STEAP1B: variants seen among roughly 807,000 people sequenced by gnomAD.
STEAP1B encodes STEAP family member 1B.
STEAP1B carries 13 observed loss-of-function variants against 27.9 expected under a neutral mutation model. The ratio of observed to expected loss-of-function variants is 0.47; its 90% CI spans 0.30 to 0.74. STEAP1B has a LOEUF of 0.74. Among genes scored for constraint, STEAP1B ranks in the 30% least tolerant of loss-of-function variants. STEAP1B has a pLI of 0.06. For synonymous variants in STEAP1B, 86 were observed against 107.1 expected (o/e 0.80, Z 1.22); for missense variants, 250 against 298.7 (o/e 0.84, Z 1.20).
At position 22,493,307 on chromosome 7, in the gene STEAP1B, C is replaced by G; in HGVS notation, c.597+17G>C. The G allele has an allele frequency of 6.3e-7, 1 of 1,596,374 alleles. No individual in the cohort carries two copies. Among genetic ancestry groups the G allele is most frequent in the Non-Finnish European group, 8.6e-7 (1 of 1,167,976 alleles). ...TTAGACTTTTTATTAGTAACAGTGA[C>G]ATCATTGTCATCTCACCTGTTGATA... On this transcript the variant is annotated intron_variant, in intron 3 of 4. Coordinates refer to ENST00000678116, the MANE Select transcript of STEAP1B (RefSeq NM_001382447.1).
chr7:22,487,843 C>T (rs114739331), intron 4 of STEAP1B, among the ~76,000 whole-genome samples: 2 of 149,350 alleles, frequency 1.3e-5, no homozygotes, highest in African/African-American at 2.5e-5. Context: ...AAAAAAAAAT[C>T]CACACATAGA....
intron 4 of STEAP1B, among the ~76,000 whole-genome samples, chr7:22,437,195 C>G (rs1297603933): frequency 6.6e-6 from 1 of 152,220 alleles, no homozygotes; most frequent in Non-Finnish European, 1.5e-5. Flanking sequence ...CTGTGCTGTA[C>G]AAATCCCTAG....
intron 4 of STEAP1B, among the ~76,000 whole-genome samples, chr7:22,461,689 CTCTTT>C (rs1486562869): frequency 1.3e-5 from 2 of 152,238 alleles, no homozygotes; most frequent in Non-Finnish European, 2.9e-5. Context: ...ACCATGTGCT[CTCTTT>C]TCCACTGTCT....
intron 4 of STEAP1B, among the ~76,000 whole-genome samples, chr7:22,485,821 T>C (rs1562583875): frequency 6.6e-6 from 1 of 152,198 alleles, no homozygotes; most frequent in Non-Finnish European, 1.5e-5. Flanking sequence ...CTTCCCCTTG[T>C]TAAAATAGAT....
At chr7:22,440,057 T>G (rs1254081578) in intron 4 of STEAP1B, among the ~76,000 whole-genome samples, 1 of 152,180 alleles carries the variant, frequency 6.6e-6, no homozygotes, top group Non-Finnish European at 1.5e-5. Flanking sequence ...TTGATGAAAA[T>G]TAATTGGAAT....
chr7:22,446,802 T>A lies in STEAP1B; in HGVS notation c.763-26966A>T, dbSNP rs577759302. 5.9e-5 allele frequency among the ~76,000 whole-genome samples: 9 copies of A among 152,322 alleles called. 1 individual carries two copies. In the South Asian group the frequency reaches 1.5e-3, roughly 25 times the overall value. On this transcript the variant is annotated intron_variant, in intron 4 of 4. Coordinates refer to ENST00000678116, the MANE Select transcript of STEAP1B (RefSeq NM_001382447.1). ...CCCTCCCTGAACCTCAGTATTTTCA[T>A]CTGTGAAATGGAAGGAATGCTGCCC...
intron 4 of STEAP1B, among the ~76,000 whole-genome samples, chr7:22,462,929 T>G (rs1562575884): frequency 1.3e-5 from 2 of 152,250 alleles, no homozygotes; most frequent in Non-Finnish European, 2.9e-5. Flanking sequence ...CCCTTCTAAC[T>G]GGTGTGAGAT....
At chr7:22,481,108 C>A (rs16873211) in intron 4 of STEAP1B, among the ~76,000 whole-genome samples, 71,531 of 152,028 alleles carry the variant, frequency 0.47, 17,231 homozygotes, top group African/African-American at 0.57. Context: ...TAATGTAAAC[C>A]ACTTAGGTGA....
intron 4 of STEAP1B, among the ~76,000 whole-genome samples, chr7:22,463,647 C>T (rs371203436): frequency 1.1e-3 from 166 of 152,236 alleles, no homozygotes; most frequent in South Asian, 6.4e-3. Context: ...TCAGAAATAA[C>T]GCCGCGTATC....
At chr7:22,443,624 T>C (rs1002272391) in intron 4 of STEAP1B, among the ~76,000 whole-genome samples, 13 of 152,326 alleles carry the variant, frequency 8.5e-5, no homozygotes, top group African/African-American at 3.1e-4. Context: ...CTTCCGCCAC[T>C]GCTATGCCCT....
At chr7:22,459,524 T>C (rs1423306309) in intron 4 of STEAP1B, among the ~76,000 whole-genome samples, 1 of 152,230 alleles carries the variant, frequency 6.6e-6, no homozygotes, top group Non-Finnish European at 1.5e-5. Flanking sequence ...TTCCACTTAT[T>C]ATGAAAATGT....
intron 4 of STEAP1B, among the ~76,000 whole-genome samples, chr7:22,462,338 G>A (rs915092420): frequency 3.5e-5 from 5 of 140,944 alleles, no homozygotes; most frequent in Non-Finnish European, 4.6e-5. Context: ...CCACTAACTC[G>A]TCATCTAGCA....
intron 4 of STEAP1B, among the ~76,000 whole-genome samples, chr7:22,466,856 A>C (rs1195266985): frequency 6.6e-6 from 1 of 152,204 alleles, no homozygotes; most frequent in Non-Finnish European, 1.5e-5. Flanking sequence ...TTCAGGTCCA[A>C]GCCCTGCACT....
At chr7:22,420,450 T>C (rs559184654) in intron 4 of STEAP1B, among the ~76,000 whole-genome samples, 1 of 152,342 alleles carries the variant, frequency 6.6e-6, no homozygotes, top group African/African-American at 2.4e-5. Flanking sequence ...ACCAATCATA[T>C]GCATCTTTTC....
chr7:22,495,750 C>T (rs1419113004), intron 1 of STEAP1B, among the ~76,000 whole-genome samples: 2 of 151,842 alleles, frequency 1.3e-5, no homozygotes, highest in Admixed American at 6.6e-5. Flanking sequence ...AATTTTAGAC[C>T]ACGTGTAGTA....
At chr7:22,475,337 C>A (rs141894774) in intron 4 of STEAP1B, among the ~76,000 whole-genome samples, 2 of 152,278 alleles carry the variant, frequency 1.3e-5, no homozygotes, top group African/African-American at 4.8e-5. Flanking sequence ...TAGGCAATGC[C>A]GTGTCCCTGC....
intron 4 of STEAP1B, among the ~76,000 whole-genome samples, chr7:22,447,813 G>A (rs1192271241): frequency 6.6e-6 from 1 of 152,140 alleles, no homozygotes; most frequent in Non-Finnish European, 1.5e-5. Flanking sequence ...CTAGTACTTC[G>A]GCAAACACTT....
At chr7:22,441,465 G>A (rs189495221) in intron 4 of STEAP1B, among the ~76,000 whole-genome samples, 1 of 152,224 alleles carries the variant, frequency 6.6e-6, no homozygotes, top group Non-Finnish European at 1.5e-5. Flanking sequence ...ATTGAGATGG[G>A]GAAGAGGTAA....
intron 4 of STEAP1B, among the ~76,000 whole-genome samples, chr7:22,469,164 C>T (rs931211347): frequency 6.6e-6 from 1 of 151,810 alleles, no homozygotes; most frequent in Non-Finnish European, 1.5e-5. Flanking sequence ...TGATCTGGAC[C>T]CTGTGTAGGC....
Sources: allele counts gnomAD v4.1 joint callset (sites outside exome capture counted in the v4.1 genomes callset), GRCh38; gene constraint gnomAD v4.1.1; transcripts MANE v1.5; gene names NCBI Gene and HGNC (gene_info 2026-07-23, HGNC 2026-07-21).